Variants in DPP10 observed in about 807,000 individuals in gnomAD.
The protein encoded by DPP10 is inactive dipeptidyl peptidase 10.
DPP10 carries 33 observed loss-of-function variants against 120.9 expected under a neutral mutation model. The ratio of observed to expected loss-of-function variants is 0.27; its 90% CI spans 0.21 to 0.37. The LOEUF is 0.37. Ranked by LOEUF, DPP10 falls within the 10% of genes least tolerant of loss-of-function variation. DPP10 has a pLI of 1.00. For missense variants in DPP10, 816 were observed against 942.8 expected (o/e 0.87, Z 1.76); for synonymous variants, 337 against 326.1 (o/e 1.03, Z -0.36).
At chr2:115,530,891 GTTGAAGACCA>G (rs1447422573) in intron 5 of DPP10, among the ~76,000 whole-genome samples, 2 of 152,018 alleles carry the variant, frequency 1.3e-5, no homozygotes, top group Non-Finnish European at 2.9e-5. Flanking sequence ...TGCAGCTAGG[GTTGAAGACCA>G]TTGAATTTAA....
chr2:115,007,230 T>C (rs1308707283), intron 1 of DPP10, among the ~76,000 whole-genome samples: 2 of 152,240 alleles, frequency 1.3e-5, no homozygotes, highest in East Asian at 3.9e-4. Context: ...TCCACCATGA[T>C]CAAGTGGGCT....
intron 1 of DPP10, among the ~76,000 whole-genome samples, chr2:115,200,728 C>G (rs543152342): frequency 6.6e-6 from 1 of 152,158 alleles, no homozygotes; most frequent in Non-Finnish European, 1.5e-5. Context: ...AGGCTCTGGA[C>G]TCTTTCTGAA....
chr2:114,467,409 T>C (rs2104595214), intron 1 of DPP10, among the ~76,000 whole-genome samples: 1 of 152,288 alleles, frequency 6.6e-6, no homozygotes, highest in East Asian at 1.9e-4. Context: ...AGATTTTTAT[T>C]TTCATGCAAT....
At chr2:114,549,586 A>G (rs1457673963) in intron 1 of DPP10, among the ~76,000 whole-genome samples, 4 of 147,984 alleles carry the variant, frequency 2.7e-5, no homozygotes, top group African/African-American at 7.4e-5. Flanking sequence ...ACTTGAACCC[A>G]GGAGGCGGAG....
chr2:115,547,640 C>T (rs115778058), intron 5 of DPP10, among the ~76,000 whole-genome samples: 1,736 of 152,084 alleles, frequency 0.011, 27 homozygotes, highest in African/African-American at 0.039. Context: ...GTGGTATGTT[C>T]CTGTAGTCCC....
intron 5 of DPP10, among the ~76,000 whole-genome samples, chr2:115,681,418 A>G (rs1366441741): frequency 6.6e-6 from 1 of 151,810 alleles, no homozygotes; most frequent in African/African-American, 2.4e-5. Flanking sequence ...GTGTTATGCA[A>G]AGTTACAAAT....
intron 1 of DPP10, among the ~76,000 whole-genome samples, chr2:114,615,945 A>C (rs890143568): frequency 6.6e-6 from 1 of 152,186 alleles, no homozygotes; most frequent in Non-Finnish European, 1.5e-5. Flanking sequence ...TGGTAATTAT[A>C]ATATAATGTG....
chr2:115,358,456 A>G (rs540447059), intron 3 of DPP10, among the ~76,000 whole-genome samples: 1 of 152,172 alleles, frequency 6.6e-6, no homozygotes, highest in Non-Finnish European at 1.5e-5. Flanking sequence ...AAAGCCATTC[A>G]ACAAATCTTT....
intron 1 of DPP10, among the ~76,000 whole-genome samples, chr2:115,169,169 C>T (rs1167812025): frequency 2.6e-5 from 4 of 152,064 alleles, no homozygotes; most frequent in Non-Finnish European, 5.9e-5. Context: ...ATTTACTAGG[C>T]AATTTATAAT....
intron 1 of DPP10, among the ~76,000 whole-genome samples, chr2:114,687,044 G>A (rs1253475895): frequency 1.3e-5 from 2 of 151,874 alleles, no homozygotes; most frequent in Admixed American, 1.3e-4. Flanking sequence ...CAACAATGTT[G>A]AGAAAAACAA....
chr2:115,162,150 G>T, intron 1 of DPP10: 1 of 1,531,660 alleles, frequency 6.5e-7, no homozygotes, highest in Non-Finnish European at 8.8e-7. Flanking sequence ...CCCCCGCCCC[G>T]CCCCAGTTCC....
intron 3 of DPP10, among the ~76,000 whole-genome samples, chr2:115,350,627 A>G (rs2063964453): frequency 6.6e-6 from 1 of 152,112 alleles, no homozygotes; most frequent in Non-Finnish European, 1.5e-5. Context: ...GCGTGAGGTT[A>G]CTGAACCTGG....
intron 3 of DPP10, among the ~76,000 whole-genome samples, chr2:115,436,082 A>G (rs2071465447): frequency 6.6e-6 from 1 of 151,892 alleles, no homozygotes; most frequent in Non-Finnish European, 1.5e-5. Context: ...AACTCTGTTA[A>G]TAGTGGAAAT....
chr2:114,793,283 G>T (rs1683407316), intron 1 of DPP10, among the ~76,000 whole-genome samples: 1 of 152,012 alleles, frequency 6.6e-6, no homozygotes, highest in Non-Finnish European at 1.5e-5. Flanking sequence ...TTCTCCTAAT[G>T]CTATCCCTCC....
At chr2:114,619,381 ATGTGTGTGTGTG>A (rs71998520) in intron 1 of DPP10, among the ~76,000 whole-genome samples, 1 of 146,276 alleles carries the variant, frequency 6.8e-6, no homozygotes, top group Admixed American at 6.8e-5. Context: ...ATATATACAT[ATGTGTGTGTGTG>A]TGTGTGTGTG....
chr2:114,857,639 T>C (rs995543244), intron 1 of DPP10, among the ~76,000 whole-genome samples: 10 of 152,194 alleles, frequency 6.6e-5, no homozygotes. Flanking sequence ...CTAGAACTAG[T>C]AATAGTATTC....
At chr2:114,443,727 A>C (rs1364887435) in intron 1 of DPP10, among the ~76,000 whole-genome samples, 1 of 151,694 alleles carries the variant, frequency 6.6e-6, no homozygotes, top group African/African-American at 2.4e-5. Flanking sequence ...AAAACAAAAA[A>C]CGTGATATCC....
chr2:114,992,214 G>A (rs1700790156), intron 1 of DPP10, among the ~76,000 whole-genome samples: 1 of 152,178 alleles, frequency 6.6e-6, no homozygotes, highest in Non-Finnish European at 1.5e-5. Context: ...GGTCCTAACA[G>A]GACTAATATC....
At chr2:115,384,414 AAGAAGAAGAAGAAGG>A (rs1210041041) in intron 3 of DPP10, among the ~76,000 whole-genome samples, 1 of 58,584 alleles carries the variant, frequency 1.7e-5, no homozygotes, top group Non-Finnish European at 7.6e-5. Flanking sequence ...GAAGGAGAAG[AAGAAGAAGAAGAAGG>A]AGAAGAAGAA....
Sources: gnomAD v4.1 joint callset for allele counts (sites outside exome capture counted in the v4.1 genomes callset) on GRCh38, gnomAD v4.1.1 for gene constraint, MANE v1.5 for transcripts, NCBI Gene and HGNC (gene_info 2026-07-23, HGNC 2026-07-21) for gene names.